Variants in TLL2 observed in about 807,000 individuals in gnomAD.
TLL2 encodes tolloid-like protein 2.
Under a neutral mutation model 123.0 loss-of-function variants are expected in TLL2, and 106 were observed. The ratio of observed to expected loss-of-function variants is 0.86; its 90% CI spans 0.74 to 1.01. TLL2 has a LOEUF of 1.01. TLL2 is among the 50% of genes least tolerant of loss of function. The pLI is 0.00. For synonymous variants in TLL2, 494 were observed against 516.8 expected (o/e 0.96, Z 0.60); for missense variants, 1,332 against 1,336.7 (o/e 1.00, Z 0.06).
intron 3 of TLL2, among the ~76,000 whole-genome samples, chr10:96,440,896 A>G (rs1805347561): frequency 6.6e-6 from 1 of 152,218 alleles, no homozygotes; most frequent in African/African-American, 2.4e-5. Flanking sequence ...TGCAACTGTC[A>G]TTATTGGATT....
intron 1 of TLL2, among the ~76,000 whole-genome samples, chr10:96,488,847 A>G (rs10736112): frequency 0.39 from 59,534 of 152,040 alleles, 12,124 homozygotes; most frequent in East Asian, 0.73. Flanking sequence ...CTGGGAGCCA[A>G]GGATGGAAAC....
intron 16 of TLL2, among the ~76,000 whole-genome samples, chr10:96,383,638 C>T (rs1416728165): frequency 6.6e-6 from 1 of 151,874 alleles, no homozygotes; most frequent in East Asian, 1.9e-4. Flanking sequence ...TTTTTTGCCC[C>T]GAGATGGAGT....
At chr10:96,378,128 C>T (rs754662190) in intron 17 of TLL2, among the ~76,000 whole-genome samples, 45 of 152,378 alleles carry the variant, frequency 3.0e-4, no homozygotes, top group Non-Finnish European at 5.9e-4. Context: ...GATGTGTCAG[C>T]GCCTCCTTTA....
intron 18 of TLL2, among the ~76,000 whole-genome samples, chr10:96,374,893 G>A (rs67882722): frequency 0.11 from 16,609 of 147,330 alleles, 1,581 homozygotes; most frequent in East Asian, 0.47. Flanking sequence ...ATGGGATAAG[G>A]TGAGCGGGGA....
At chr10:96,374,181 C>T in intron 18 of TLL2, 2 of 248,142 alleles carry the variant, frequency 8.1e-6, no homozygotes, top group South Asian at 5.8e-5. Context: ...CAGCTTCTCT[C>T]TCACTTAGGG....
chr10:96,395,731 T>C, intron 12 of TLL2, 144 bp downstream of exon 12: 1 of 1,039,730 alleles, frequency 9.6e-7, no homozygotes. Context: ...TGATGTCAGA[T>C]GTCCGGGCAC....
intron 1 of TLL2, among the ~76,000 whole-genome samples, chr10:96,505,550 T>C (rs1458069285): frequency 1.3e-5 from 2 of 152,234 alleles, no homozygotes; most frequent in South Asian, 2.1e-4. Flanking sequence ...AATAACCCTA[T>C]GTGGGTAGAT....
At position 96,379,033 on chromosome 10, in the gene TLL2, C is replaced by T. The variant is rs994542538; in HGVS notation, c.2254G>A (p.Gly752Arg). 11 of 1,614,088 alleles carry T rather than the reference C, an allele frequency of 6.8e-6. No individual in the cohort carries two copies. The highest frequency in any genetic ancestry group is 1.6e-4 in the Middle Eastern group (1 of 6,084). ...GCQHECVNTF[G>R]SYLCRCRNGY... ...TTTCTGCACCTGCACAGGTAGCTCCCGAAGGTGTTGACGCACTCATGCTGA... is the reference window on the plus strand; with the variant it reads ...TTTCTGCACCTGCACAGGTAGCTCCTGAAGGTGTTGACGCACTCATGCTGA... The change falls in exon 17 of 21, where the codon GGG becomes AGG. Residue 752 changes from glycine (G) to arginine (R), a missense_variant. By Grantham distance (125) the Gly-to-Arg change is moderately radical. Coordinates refer to ENST00000357947, the MANE Select transcript of TLL2 (RefSeq NM_012465.4).
chr10:96,395,247 T>C lies in TLL2; in HGVS notation c.1666A>G (p.Met556Val). ...ATAGAGCCATCGGACACAAACTTCATCCACAGTCTGTTGGAGCTCGATTTC... is the reference window on the plus strand; with the variant it reads ...ATAGAGCCATCGGACACAAACTTCACCCACAGTCTGTTGGAGCTCGATTTC... ...DVKSSSNRLW[M>V]KFVSDGSINK... The change falls in exon 13 of 21, where the codon ATG becomes GTG. Residue 556 changes from methionine to valine, a missense_variant. Physicochemically the swap from Met to Val is conservative, Grantham distance 21. Coordinates refer to ENST00000357947, the MANE Select transcript of TLL2 (RefSeq NM_012465.4). The C allele has an allele frequency of 6.2e-7, 1 of 1,613,810 alleles. No homozygotes were observed. Among genetic ancestry groups the C allele is most frequent in the African/African-American group, 1.3e-5 (1 of 75,044 alleles).
chr10:96,446,975 G>A (rs541011164), intron 2 of TLL2, among the ~76,000 whole-genome samples: 22 of 152,368 alleles, frequency 1.4e-4, no homozygotes, highest in African/African-American at 4.6e-4. Flanking sequence ...ATTCATGAAT[G>A]AGATCATTGC....
At chr10:96,382,670 C>A (rs953709950) in intron 16 of TLL2, among the ~76,000 whole-genome samples, 1 of 152,220 alleles carries the variant, frequency 6.6e-6, no homozygotes, top group Non-Finnish European at 1.5e-5. Context: ...ACCCCCTTGC[C>A]GCTCTTTCTC....
At chr10:96,369,555 G>A (rs769337849) in intron 20 of TLL2, among the ~76,000 whole-genome samples, 25 of 152,158 alleles carry the variant, frequency 1.6e-4, no homozygotes, top group Non-Finnish European at 2.8e-4. Flanking sequence ...GAGGTCAGGA[G>A]TTCAAGACCA....
intron 8 of TLL2, 107 bp downstream of exon 8, chr10:96,413,085 C>A: frequency 6.7e-7 from 1 of 1,483,502 alleles, no homozygotes; most frequent in South Asian, 1.3e-5. Flanking sequence ...GAAATTAAAG[C>A]TGCCAAGGAA....
chr10:96,405,453 G>A, intron 9 of TLL2, 119 bp from the exon 10 acceptor site: 1 of 856,516 alleles, frequency 1.2e-6, no homozygotes, highest in Non-Finnish European at 1.9e-6. Context: ...TCAGACCACG[G>A]TAGGAGTGTT....
At chr10:96,501,828 A>G (rs1847536369) in intron 1 of TLL2, among the ~76,000 whole-genome samples, 1 of 152,172 alleles carries the variant, frequency 6.6e-6, no homozygotes, top group African/African-American at 2.4e-5. Context: ...TATCTCATTG[A>G]CTGAGTTTTC....
Position 96,384,785 on chromosome 10 carries a change from G to A in TLL2, c.2014-18C>T, listed in dbSNP as rs538171273. Reference sequence around the variant, plus strand: ...TTACAGACCTGCAAGGGAGCATGATGGGGAGCTTCCCAGAGTCCCTGTCCC... The same window carrying A: ...TTACAGACCTGCAAGGGAGCATGATAGGGAGCTTCCCAGAGTCCCTGTCCC... On this transcript the variant is annotated intron_variant, in intron 15 of 20. Transcript: ENST00000357947. The A allele has an allele frequency of 6.4e-7, 1 of 1,556,284 alleles. No homozygotes were observed. The highest frequency in any genetic ancestry group is 1.2e-5 in the South Asian group (1 of 83,752).
chr10:96,475,705 A>T (rs1332815535), intron 2 of TLL2, among the ~76,000 whole-genome samples: 1 of 151,704 alleles, frequency 6.6e-6, no homozygotes, highest in East Asian at 1.9e-4. Context: ...GGGACCTCAG[A>T]CCTCTCCCCT....
At chr10:96,454,011 GCA>G (rs138026221) in intron 2 of TLL2, among the ~76,000 whole-genome samples, 2,030 of 149,974 alleles carry the variant, frequency 0.014, 26 homozygotes, top group African/African-American at 0.039. Context: ...GTGTGCGCCT[GCA>G]CACACACACA....
chr10:96,429,324 T>A (rs1248492323), intron 4 of TLL2, among the ~76,000 whole-genome samples: 2 of 151,214 alleles, frequency 1.3e-5, no homozygotes, highest in Non-Finnish European at 2.9e-5. Context: ...GTTGTATACC[T>A]TGAATATATA....
Sources: allele counts gnomAD v4.1 joint callset (sites outside exome capture counted in the v4.1 genomes callset), GRCh38; gene constraint gnomAD v4.1.1; transcripts MANE v1.5; gene names NCBI Gene and HGNC (gene_info 2026-07-23, HGNC 2026-07-21).